The following HMBOX1 variants were observed in gnomAD, a reference collection of about 807,000 sequenced individuals.
HMBOX1 encodes homeobox-containing protein 1.
In HMBOX1, 14 loss-of-function variants were observed where a neutral mutation model predicts 54.5. That is an observed-to-expected ratio of 0.26 (90% CI 0.17 to 0.40). The LOEUF (loss-of-function observed/expected upper bound fraction) is 0.40. Among genes scored for constraint, HMBOX1 ranks in the 10% least tolerant of loss-of-function variants. HMBOX1 has a pLI of 1.00. For synonymous variants in HMBOX1, 160 were observed against 181.0 expected (o/e 0.88, Z 0.93); for missense variants, 332 against 514.4 (o/e 0.65, Z 3.43).
At chr8:28,917,535 CT>C (rs914867449) in intron 1 of HMBOX1, among the ~76,000 whole-genome samples, 3 of 150,724 alleles carry the variant, frequency 2.0e-5, no homozygotes, top group Admixed American at 6.6e-5. Context: ...CCAGTCTGTG[CT>C]TTTTTTTTCC....
At chr8:28,960,942 A>G (rs1825477764) in intron 1 of HMBOX1, among the ~76,000 whole-genome samples, 2 of 151,550 alleles carry the variant, frequency 1.3e-5, no homozygotes, top group East Asian at 1.9e-4. Context: ...GCATGCCACC[A>G]TGCCCAACTA....
intron 4 of HMBOX1, among the ~76,000 whole-genome samples, chr8:28,992,697 C>T (rs1028900924): frequency 1.1e-4 from 16 of 151,524 alleles, no homozygotes; most frequent in African/African-American, 3.9e-4. Context: ...AGTGAATCCC[C>T]ATCTCTACTA....
intron 4 of HMBOX1, among the ~76,000 whole-genome samples, chr8:28,991,526 T>C (rs1830979921): frequency 6.6e-6 from 1 of 152,200 alleles, no homozygotes; most frequent in African/African-American, 2.4e-5. Context: ...ACATGTCGAT[T>C]TTAAAGTACG....
chr8:28,971,452 CT>C (rs1827396914), intron 3 of HMBOX1, among the ~76,000 whole-genome samples: 1 of 152,168 alleles, frequency 6.6e-6, no homozygotes, highest in Non-Finnish European at 1.5e-5. Context: ...CCCTGGGACA[CT>C]TTGAGGGTAA....
At chr8:28,931,317 A>G (rs1188904602) in intron 1 of HMBOX1, among the ~76,000 whole-genome samples, 2 of 152,164 alleles carry the variant, frequency 1.3e-5, no homozygotes, top group African/African-American at 4.8e-5. Context: ...GTCCGTGGAA[A>G]CACTAGTTTT....
At chr8:28,942,829 A>C (rs1176293661) in intron 1 of HMBOX1, among the ~76,000 whole-genome samples, 1 of 152,224 alleles carries the variant, frequency 6.6e-6, no homozygotes, top group Admixed American at 6.5e-5. Flanking sequence ...AATACTGAAC[A>C]TAAATTATTT....
chr8:28,905,804 C>A (rs893841531), intron 1 of HMBOX1, among the ~76,000 whole-genome samples: 1 of 152,200 alleles, frequency 6.6e-6, no homozygotes, highest in Non-Finnish European at 1.5e-5. Flanking sequence ...CCTTTATATA[C>A]TAAGCCCCAT....
At chr8:29,000,441 A>C (rs1388003658) in intron 4 of HMBOX1, among the ~76,000 whole-genome samples, 1 of 152,214 alleles carries the variant, frequency 6.6e-6, no homozygotes, top group Non-Finnish European at 1.5e-5. Context: ...TAGCTTTTTG[A>C]AGACTCTCGT....
intron 7 of HMBOX1, 147 bp downstream of exon 7, chr8:29,045,590 T>C (rs1805458214): frequency 3.2e-6 from 2 of 631,778 alleles, no homozygotes; most frequent in Admixed American, 2.7e-5. Context: ...CAGTGCCCTG[T>C]CCTGCTCACA....
At chr8:28,905,563 A>T (rs1199197447) in intron 1 of HMBOX1, among the ~76,000 whole-genome samples, 1 of 152,222 alleles carries the variant, frequency 6.6e-6, no homozygotes, top group Non-Finnish European at 1.5e-5. Flanking sequence ...TTGCTGAGTA[A>T]CTTCACAAAT....
chr8:28,914,459 G>A (rs1325885821), intron 1 of HMBOX1, among the ~76,000 whole-genome samples: 1 of 152,100 alleles, frequency 6.6e-6, no homozygotes, highest in Admixed American at 6.5e-5. Context: ...TAAAAAAATC[G>A]CCTCATCAGA....
rs186780475 is a variant in HMBOX1, at chr8:29,023,369, A to G, written c.851+4456A>G. Among the ~76,000 whole-genome samples the G allele has an allele frequency of 2.6e-5, 4 of 152,266 alleles. No homozygotes were observed. The East Asian group carries it at 5.8e-4, about 22-fold the overall frequency. On this transcript the variant is annotated intron_variant, in intron 6 of 9. Coordinates refer to ENST00000287701, the MANE Select transcript of HMBOX1 (RefSeq NM_001135726.3). ...TTTAGTATATTCACAGAATTATGCA[A>G]CCATAACCTCAGTCAATTTTAGAAC...
At chr8:29,029,266 T>C (rs962422004) in intron 6 of HMBOX1, among the ~76,000 whole-genome samples, 1 of 152,252 alleles carries the variant, frequency 6.6e-6, no homozygotes, top group African/African-American at 2.4e-5. Flanking sequence ...ATATCACTTA[T>C]GCAGAAATCT....
At chr8:28,957,654 G>T (rs1384409560) in intron 1 of HMBOX1, among the ~76,000 whole-genome samples, 1 of 152,086 alleles carries the variant, frequency 6.6e-6, no homozygotes, top group African/African-American at 2.4e-5. Context: ...ATAGCGTCTT[G>T]CTCTGCCGCC....
intron 4 of HMBOX1, among the ~76,000 whole-genome samples, chr8:28,984,854 C>G (rs551748241): frequency 6.6e-6 from 1 of 152,050 alleles, no homozygotes; most frequent in East Asian, 1.9e-4. Context: ...GCTTGATCAG[C>G]GCTTATCAGC....
At chr8:28,956,917 A>G (rs927000845) in intron 1 of HMBOX1, among the ~76,000 whole-genome samples, 4 of 152,208 alleles carry the variant, frequency 2.6e-5, no homozygotes, top group African/African-American at 9.6e-5. Flanking sequence ...CATCAGTGAA[A>G]TGCAAATCAA....
intron 1 of HMBOX1, among the ~76,000 whole-genome samples, chr8:28,912,079 A>G (rs560732323): frequency 1.2e-4 from 19 of 152,328 alleles, no homozygotes; most frequent in Non-Finnish European, 2.6e-4. Flanking sequence ...TGAATATCTC[A>G]TTTAATTTAT....
chr8:29,010,897 AC>A (rs1834142111), intron 5 of HMBOX1, among the ~76,000 whole-genome samples: 1 of 152,166 alleles, frequency 6.6e-6, no homozygotes, highest in African/African-American at 2.4e-5. Flanking sequence ...ATGTAATTTG[AC>A]AGAATGTCCC....
At chr8:28,957,385 A>G (rs1202271139) in intron 1 of HMBOX1, among the ~76,000 whole-genome samples, 1 of 152,206 alleles carries the variant, frequency 6.6e-6, no homozygotes, top group Non-Finnish European at 1.5e-5. Flanking sequence ...AGATGAGAGC[A>G]GTAGACACTG....
Sources: gnomAD v4.1 joint callset for allele counts (sites outside exome capture counted in the v4.1 genomes callset) on GRCh38, gnomAD v4.1.1 for gene constraint, MANE v1.5 for transcripts, NCBI Gene and HGNC (gene_info 2026-07-23, HGNC 2026-07-21) for gene names.